The following EXOC2 variants were observed in gnomAD, a reference collection of about 807,000 sequenced individuals.
EXOC2 encodes the protein SEC5-like 1.
A neutral mutation model predicts 131.8 loss-of-function variants in EXOC2; 70 were observed. That is an observed-to-expected ratio of 0.53 (90% CI 0.44 to 0.65). The LOEUF (loss-of-function observed/expected upper bound fraction) is 0.65. Ranked by LOEUF, EXOC2 falls within the 30% of genes least tolerant of loss-of-function variation. EXOC2 has a pLI of 0.00. For missense variants in EXOC2, 923 were observed against 1,108.6 expected (o/e 0.83, Z 2.38); for synonymous variants, 411 against 398.4 (o/e 1.03, Z -0.38).
At chr6:602,939 G>T (rs1402086079) in intron 7 of EXOC2, among the ~76,000 whole-genome samples, 1 of 152,176 alleles carries the variant, frequency 6.6e-6, no homozygotes, top group African/African-American at 2.4e-5. Flanking sequence ...AAACATCTTT[G>T]TATGTGCCAG....
intron 1 of EXOC2, among the ~76,000 whole-genome samples, chr6:654,929 A>C (rs530055593): frequency 6.7e-6 from 1 of 148,362 alleles, no homozygotes; most frequent in African/African-American, 2.5e-5. Context: ...GACTTTTTTG[A>C]GATAGAATCT....
chr6:643,270 T>G (rs1210657801), intron 1 of EXOC2, among the ~76,000 whole-genome samples: 1 of 152,184 alleles, frequency 6.6e-6, no homozygotes, highest in Non-Finnish European at 1.5e-5. Context: ...CTGACATTTA[T>G]AAAACTCCTT....
chr6:573,918 T>C (rs1758432813), intron 12 of EXOC2, among the ~76,000 whole-genome samples: 1 of 152,184 alleles, frequency 6.6e-6, no homozygotes, highest in African/African-American at 2.4e-5. Flanking sequence ...TATAAATGTG[T>C]TTTTCTCCCT....
At chr6:493,631 G>C (rs1194422685) in intron 25 of EXOC2, among the ~76,000 whole-genome samples, 2 of 152,134 alleles carry the variant, frequency 1.3e-5, no homozygotes, top group Non-Finnish European at 2.9e-5. Context: ...CAAGCTCTCA[G>C]GACAGTTCTG....
At chr6:654,135 G>A in intron 1 of EXOC2, among the ~76,000 whole-genome samples, 1 of 152,158 alleles carries the variant, frequency 6.6e-6, no homozygotes, top group African/African-American at 2.4e-5. Context: ...CAAGAGTTCT[G>A]GTGAAGATAC....
At chr6:580,846 C>T (rs1758850538) in intron 11 of EXOC2, among the ~76,000 whole-genome samples, 1 of 152,050 alleles carries the variant, frequency 6.6e-6, no homozygotes, top group South Asian at 2.1e-4. Context: ...ACAGAAAAGA[C>T]ATTTATTCCG....
intron 22 of EXOC2, among the ~76,000 whole-genome samples, chr6:542,456 A>G (rs1205591715): frequency 1.3e-5 from 2 of 152,184 alleles, no homozygotes; most frequent in East Asian, 1.9e-4. Flanking sequence ...GAGGCCCTAC[A>G]GGCTTAACAA....
intron 2 of EXOC2, among the ~76,000 whole-genome samples, chr6:637,159 A>C (rs930539936): frequency 2.0e-5 from 3 of 152,144 alleles, no homozygotes; most frequent in African/African-American, 7.2e-5. Flanking sequence ...AAAGATAAAA[A>C]ACATAAACTG....
intron 26 of EXOC2, among the ~76,000 whole-genome samples, chr6:489,664 A>T (rs1485058174): frequency 1.3e-5 from 2 of 152,242 alleles, no homozygotes; most frequent in African/African-American, 2.4e-5. Flanking sequence ...AACCAAATGA[A>T]AAGCATCATA....
chr6:564,038 G>A lies in EXOC2; in HGVS notation c.1784C>T (p.Ala595Val), dbSNP rs769028617. The change falls in exon 16 of 28, where the codon GCG becomes GTG. Residue 595 changes from alanine to valine, a missense_variant. Ala to Val is a moderately conservative substitution (Grantham distance 64, BLOSUM62 0). Transcript: ENST00000230449. ...ACCGATTTATCAAAACACACCTTCCGCCGTGTGCTGCAACGTGGCCATTAC... is the reference window on the plus strand; with the variant it reads ...ACCGATTTATCAAAACACACCTTCCACCGTGTGCTGCAACGTGGCCATTAC... ...RCVMATLQHT[A>V]EEIKRLAEKE... 23 of 1,613,624 alleles carry A rather than the reference G, an allele frequency of 1.4e-5. No homozygotes were observed. The highest frequency in any genetic ancestry group is 1.3e-4 in the East Asian group (6 of 44,892).
intron 12 of EXOC2, among the ~76,000 whole-genome samples, chr6:573,934 C>T (rs773132614): frequency 6.6e-6 from 1 of 152,202 alleles, no homozygotes; most frequent in Non-Finnish European, 1.5e-5. Context: ...TCCCTCCCAA[C>T]TGTTCTTTAC....
chr6:495,544 A>ATATT (rs938714369), intron 25 of EXOC2, among the ~76,000 whole-genome samples: 7 of 152,226 alleles, frequency 4.6e-5, no homozygotes, highest in African/African-American at 1.7e-4. Flanking sequence ...TCTTGCTTAA[A>ATATT]TAACTAGGAT....
intron 1 of EXOC2, among the ~76,000 whole-genome samples, chr6:652,592 T>G (rs1762882686): frequency 1.3e-5 from 2 of 152,306 alleles, no homozygotes; most frequent in African/African-American, 2.4e-5. Context: ...CTCCTCTCCC[T>G]GAGACTGTTC....
At position 598,097 on chromosome 6, in the gene EXOC2, C is replaced by G. The variant is rs772704981; in HGVS notation, c.997G>C (p.Glu333Gln). Reference protein sequence around the residue: ...KYYAEVETRIEALRELLLDKL... With the variant: ...KYYAEVETRIQALRELLLDKL... Reference sequence around the variant, plus strand: ...TCCAGAAGTAATTCTCTTAAAGCTTCAATCCTTGTTTCTACTTCAGCATAA... The same window carrying G: ...TCCAGAAGTAATTCTCTTAAAGCTTGAATCCTTGTTTCTACTTCAGCATAA... Residue 333 changes from glutamate (E) to glutamine (Q), a missense_variant, in exon 10 of 28, where the codon GAA becomes CAA. Glu to Gln is a conservative substitution (Grantham distance 29). Coordinates refer to ENST00000230449, the MANE Select transcript of EXOC2 (RefSeq NM_018303.6). The G allele has an allele frequency of 6.2e-6, 10 of 1,612,988 alleles. No individual in the cohort carries two copies. The East Asian group carries it at 1.3e-4, about 22-fold the overall frequency.
intron 2 of EXOC2, 23 bp from the exon 3 acceptor site, chr6:633,140 A>G: frequency 6.2e-7 from 1 of 1,605,784 alleles, no homozygotes; most frequent in Non-Finnish European, 8.5e-7. Flanking sequence ...GCATGTGCAT[A>G]ACAAAATTCA....
intron 23 of EXOC2, among the ~76,000 whole-genome samples, chr6:511,598 G>C (rs1043625644): frequency 6.6e-6 from 1 of 152,194 alleles, no homozygotes; most frequent in Admixed American, 6.5e-5. Context: ...GGCCAAGAGA[G>C]GGCTGCACGG....
intron 13 of EXOC2, among the ~76,000 whole-genome samples, chr6:570,574 G>A (rs1434524433): frequency 6.6e-6 from 1 of 152,204 alleles, no homozygotes; most frequent in East Asian, 1.9e-4. Flanking sequence ...AGGCCGATGA[G>A]ATTTCAAACA....
At chr6:532,704 A>C in intron 22 of EXOC2, 94 bp from the exon 23 acceptor site, 2 of 1,193,070 alleles carry the variant, frequency 1.7e-6, no homozygotes, top group Non-Finnish European at 2.2e-6. Context: ...ACTATAATAA[A>C]AGCACTTCTC....
chr6:672,478 C>T (rs74692515), intron 1 of EXOC2, among the ~76,000 whole-genome samples: 7,260 of 152,152 alleles, frequency 0.048, 299 homozygotes, highest in South Asian at 0.17. Context: ...TCATTTCTGC[C>T]GTGTAATTTT....
Sources: allele counts gnomAD v4.1 joint callset (sites outside exome capture counted in the v4.1 genomes callset), GRCh38; gene constraint gnomAD v4.1.1; transcripts MANE v1.5; gene names NCBI Gene and HGNC (gene_info 2026-07-23, HGNC 2026-07-21).